ELL: variants seen among roughly 807,000 people sequenced by gnomAD.
ELL encodes elongation factor for RNA polymerase II, also known as RNA polymerase II elongation factor ELL.
ELL carries 18 observed loss-of-function variants against 64.0 expected under a neutral mutation model. The observed-to-expected ratio is 0.28, with a 90% CI of 0.19 to 0.42. The LOEUF (loss-of-function observed/expected upper bound fraction) is 0.42, where lower values mean the gene tolerates loss of function less well. ELL is among the 10% of genes least tolerant of loss of function. The pLI is 1.00. For missense variants in ELL, 797 were observed against 870.4 expected, an observed-to-expected ratio of 0.92 and a Z score of 1.06; for synonymous variants, 399 against 376.2, an observed-to-expected ratio of 1.06 and a Z score of -0.70.
rs985122730 is a variant in ELL, at chr19:18,452,955, C to T, written c.870-1307G>A. On this transcript the variant is annotated intron_variant, in intron 6 of 11. Transcript: ENST00000262809. ...AAAATACATTTGAAAAGAGACTCCA[C>T]AGGGAGATGAAAACGTTAAAAAATA... 2.6e-5 allele frequency among the ~76,000 whole-genome samples: 4 copies of T among 152,244 alleles called. No homozygotes were observed. The South Asian group carries it at 8.3e-4, about 32-fold the overall frequency.
At chr19:18,493,580 C>A (rs1488601179) in intron 1 of ELL, among the ~76,000 whole-genome samples, 1 of 152,240 alleles carries the variant, frequency 6.6e-6, no homozygotes, top group African/African-American at 2.4e-5. Context: ...TACCGGCAAC[C>A]CGACAGGCAA....
intron 1 of ELL, among the ~76,000 whole-genome samples, chr19:18,488,384 C>G (rs537468574): frequency 6.6e-6 from 1 of 152,186 alleles, no homozygotes; most frequent in Non-Finnish European, 1.5e-5. Flanking sequence ...GCAGGAAGCA[C>G]GTGGCACTGC....
chr19:18,446,238 G>T (rs1165995666), intron 10 of ELL, 71 bp downstream of exon 10: 2 of 1,448,342 alleles, frequency 1.4e-6, no homozygotes, highest in Non-Finnish European at 9.1e-7. Context: ...TCGTGGTGGC[G>T]ATGGTGCGCG....
chr19:18,450,601 C>T lies in ELL; in HGVS notation c.1341G>A (p.Lys447=), dbSNP rs1355375052. Residue 447 remains lysine, a synonymous_variant, in exon 8 of 12, where the codon AAG becomes AAA. Transcript: ENST00000262809. Reference sequence around the variant, plus strand: ...TGTGCTTCTTGGACTTCTTCTTGGGCTTGCTGCGCGAGGGGCTGCCGTGTG... The same window carrying T: ...TGTGCTTCTTGGACTTCTTCTTGGGTTTGCTGCGCGAGGGGCTGCCGTGTG... ...SRPHGSPSRS[K]PKKKSKKHKD... The T allele has an allele frequency of 1.9e-6, 3 of 1,612,146 alleles. No individual in the cohort carries two copies. The highest frequency in any genetic ancestry group is 2.2e-5 in the South Asian group (2 of 90,996).
intron 1 of ELL, among the ~76,000 whole-genome samples, chr19:18,491,441 T>C (rs1600483302): frequency 6.6e-6 from 1 of 151,814 alleles, no homozygotes; most frequent in Non-Finnish European, 1.5e-5. Flanking sequence ...GTAAAGCAGA[T>C]CACCCTCCAA....
intron 1 of ELL, among the ~76,000 whole-genome samples, chr19:18,489,634 C>T (rs1444108259): frequency 6.6e-6 from 1 of 152,208 alleles, no homozygotes; most frequent in Admixed American, 6.5e-5. Flanking sequence ...CTGCAGCCCC[C>T]AGCAGCCCAC....
At chr19:18,513,973 T>C (rs990583202) in intron 1 of ELL, among the ~76,000 whole-genome samples, 1 of 151,908 alleles carries the variant, frequency 6.6e-6, no homozygotes. Flanking sequence ...AATTCAGTTA[T>C]TCCACAAACT....
At chr19:18,509,581 G>A (rs1212299714) in intron 1 of ELL, among the ~76,000 whole-genome samples, 4 of 120,328 alleles carry the variant, frequency 3.3e-5, no homozygotes, top group Non-Finnish European at 5.1e-5. Context: ...GCCAATGCAC[G>A]TGCGCGCGCG....
chr19:18,461,783 G>A lies in ELL; in HGVS notation c.539C>T (p.Thr180Ile). The change falls in exon 5 of 12, where the codon ACC becomes ATC. Residue 180 changes from threonine (T) to isoleucine (I), a missense_variant. Coordinates refer to ENST00000262809, the MANE Select transcript of ELL (RefSeq NM_006532.4). ...GATGGCACTCGCCAAGTTGATGGGG[G>A]TTGCCCGCTTCCGGGAGGGCACCGC... is the stretch of plus-strand genomic sequence containing the variant. The part of the protein sequence containing the change: ...TDAVPSRKRA[T>I]PINLASAIRK... The A allele has an allele frequency of 1.9e-6, 3 of 1,614,172 alleles. No homozygotes were observed. The highest frequency in any genetic ancestry group is 1.7e-6 in the Non-Finnish European group (2 of 1,180,046).
At chr19:18,476,288 G>A (rs940743377) in intron 1 of ELL, among the ~76,000 whole-genome samples, 2 of 152,222 alleles carry the variant, frequency 1.3e-5, no homozygotes, top group African/African-American at 4.8e-5. Flanking sequence ...CTGTCCATGC[G>A]AGGCCTCTGC....
chr19:18,472,615 G>C, intron 2 of ELL: 1 of 552,828 alleles, frequency 1.8e-6, no homozygotes, highest in Admixed American at 3.5e-5. Context: ...TGGGAGAGGA[G>C]AGCCGCCCAT....
At chr19:18,492,475 G>A (rs1287006489) in intron 1 of ELL, among the ~76,000 whole-genome samples, 3 of 152,208 alleles carry the variant, frequency 2.0e-5, no homozygotes, top group Admixed American at 6.5e-5. Flanking sequence ...TGCCTCTGAC[G>A]TGCTGTTAGT....
At chr19:18,485,213 A>T (rs1161616999) in intron 1 of ELL, among the ~76,000 whole-genome samples, 1 of 152,168 alleles carries the variant, frequency 6.6e-6, no homozygotes, top group Non-Finnish European at 1.5e-5. Context: ...GGAGCCCAGC[A>T]GAAGCGGCCC....
intron 6 of ELL, among the ~76,000 whole-genome samples, chr19:18,453,177 A>G (rs1199625940): frequency 6.6e-6 from 1 of 152,194 alleles, no homozygotes; most frequent in Non-Finnish European, 1.5e-5. Context: ...GGGAGGCTGA[A>G]GCAGGAGAAT....
Position 18,443,008 on chromosome 19 carries a change from A to G in ELL, c.*1744T>C, listed in dbSNP as rs949780925. ...GAACAAATAAACAACAAAAACAACA[A>G]CAACAACAAAAAGGCAAATTCAACT... On this transcript the variant is annotated 3_prime_UTR_variant, in exon 12 of 12. Transcript: ENST00000262809. The G allele has an allele frequency of 1.3e-4, 31 of 232,032 alleles. No homozygotes were observed. Among genetic ancestry groups the G allele is most frequent in the African/African-American group, 5.5e-4 (25 of 45,368 alleles). The allele number at this position is 232,032 out of a possible 1,614,324, so 14.4% of individuals were successfully genotyped here. A position where few individuals can be genotyped will look rare whatever the true frequency, so the allele number is the denominator to read the frequency against.
At chr19:18,444,938 G>T (rs1177714320) in intron 11 of ELL, 70 bp from the exon 12 acceptor site, 8 of 1,512,278 alleles carry the variant, frequency 5.3e-6, no homozygotes, top group Non-Finnish European at 7.2e-6. Flanking sequence ...AAGCAGGCCA[G>T]TGTCCCCCCC....
At chr19:18,474,041 G>A (rs574827007) in intron 1 of ELL, among the ~76,000 whole-genome samples, 207 of 152,340 alleles carry the variant, frequency 1.4e-3, no homozygotes, top group Admixed American at 3.3e-3. Context: ...CCACACCTGC[G>A]ACAGTATCAG....
rs779892984 is a variant in ELL at position 18,465,784 on chromosome 19, G to A, written c.305+13C>T. On this transcript the variant is annotated intron_variant, in intron 3 of 11. Transcript: ENST00000262809. The stretch of plus-strand genomic sequence containing the variant: ...GAGCCGGCGGGGTGCTCTGGGGTGG[G>A]GCGGCGCCTCACCTGGAGACATACT... The A allele has an allele frequency of 7.0e-7, 1 of 1,420,564 alleles. No homozygotes were observed. The allele number at this position is 1,420,564 out of a possible 1,614,324, so 88.0% of individuals were successfully genotyped here.
intron 2 of ELL, among the ~76,000 whole-genome samples, chr19:18,467,237 G>A (rs190663273): frequency 1.9e-3 from 288 of 152,184 alleles, no homozygotes; most frequent in African/African-American, 6.7e-3. Context: ...CAGTCTGCCC[G>A]GCCTGCAGAC....
Sources: allele counts gnomAD v4.1 joint callset (sites outside exome capture counted in the v4.1 genomes callset), GRCh38; gene constraint gnomAD v4.1.1; transcripts MANE v1.5; gene names NCBI Gene and HGNC (gene_info 2026-07-23, HGNC 2026-07-21).